FHIT: variants seen among roughly 807,000 people sequenced by gnomAD.
The protein encoded by FHIT is bis(5'-adenosyl)-triphosphatase.
A neutral mutation model predicts 17.9 loss-of-function variants in FHIT; 19 were observed. The observed-to-expected ratio is 1.06, with a 90% CI of 0.74 to 1.56. FHIT has a LOEUF of 1.56. Among genes scored for constraint, FHIT ranks in the 40% most tolerant of loss-of-function variants. The pLI is 0.00. For missense variants in FHIT, 248 were observed against 189.2 expected (o/e 1.31, Z -1.82); for synonymous variants, 81 against 69.7 (o/e 1.16, Z -0.81).
intron 1 of FHIT, among the ~76,000 whole-genome samples, chr3:61,203,125 A>G (rs2039083289): frequency 6.7e-6 from 1 of 149,936 alleles, no homozygotes; most frequent in Non-Finnish European, 1.5e-5. Flanking sequence ...GCTTGCAGTG[A>G]GCAGAGATCG....
chr3:60,402,692 T>TA (rs1362180855), intron 5 of FHIT, among the ~76,000 whole-genome samples: 1 of 152,132 alleles, frequency 6.6e-6, no homozygotes, highest in Admixed American at 6.6e-5. Context: ...CCATCTGTAA[T>TA]AAAGTAGCAC....
chr3:60,853,364 C>T (rs1270899410), intron 3 of FHIT, among the ~76,000 whole-genome samples: 6 of 152,012 alleles, frequency 3.9e-5, no homozygotes, highest in Non-Finnish European at 8.8e-5. Flanking sequence ...TTTTCAAAAT[C>T]GCTGTTTGGA....
At chr3:59,988,291 T>A in intron 7 of FHIT, among the ~76,000 whole-genome samples, 1 of 152,116 alleles carries the variant, frequency 6.6e-6, no homozygotes, top group Non-Finnish European at 1.5e-5. Context: ...GGATTAAAAA[T>A]TTAGGAAGCT....
At chr3:60,180,669 T>C (rs1701888960) in intron 5 of FHIT, among the ~76,000 whole-genome samples, 1 of 152,218 alleles carries the variant, frequency 6.6e-6, no homozygotes, top group African/African-American at 2.4e-5. Flanking sequence ...GCATATGTTG[T>C]AAAAACGTAT....
intron 5 of FHIT, among the ~76,000 whole-genome samples, chr3:60,211,914 A>G (rs1318993331): frequency 1.3e-5 from 2 of 152,146 alleles, no homozygotes; most frequent in African/African-American, 4.8e-5. Flanking sequence ...TGAGGCCAAT[A>G]TATACATATT....
At chr3:60,250,547 G>A (rs376316845) in intron 5 of FHIT, among the ~76,000 whole-genome samples, 18 of 152,206 alleles carry the variant, frequency 1.2e-4, no homozygotes, top group African/African-American at 3.1e-4. Flanking sequence ...CTCACCAGCG[G>A]GTATTGATAT....
At chr3:60,280,252 C>G (rs1707368294) in intron 5 of FHIT, among the ~76,000 whole-genome samples, 1 of 151,968 alleles carries the variant, frequency 6.6e-6, no homozygotes, top group African/African-American at 2.4e-5. Flanking sequence ...ACAAAAAAAC[C>G]TACAGCTAAC....
intron 5 of FHIT, among the ~76,000 whole-genome samples, chr3:60,147,909 T>C (rs565267259): frequency 1.3e-5 from 2 of 152,248 alleles, no homozygotes; most frequent in South Asian, 4.2e-4. Flanking sequence ...CAGGCCACTA[T>C]TAGGACAGTG....
intron 5 of FHIT, among the ~76,000 whole-genome samples, chr3:60,059,067 C>A (rs1702199822): frequency 6.6e-6 from 1 of 152,032 alleles, no homozygotes; most frequent in Non-Finnish European, 1.5e-5. Flanking sequence ...AGGAGAGGGC[C>A]CTCCCAACAC....
intron 5 of FHIT, among the ~76,000 whole-genome samples, chr3:60,364,679 T>C (rs1318504994): frequency 2.0e-5 from 3 of 152,228 alleles, no homozygotes; most frequent in African/African-American, 4.8e-5. Context: ...AGATAACTGA[T>C]AAACATTATT....
At chr3:60,701,688 G>T (rs1281989321) in intron 4 of FHIT, among the ~76,000 whole-genome samples, 1 of 152,200 alleles carries the variant, frequency 6.6e-6, no homozygotes, top group Non-Finnish European at 1.5e-5. Flanking sequence ...ATGTTTCCCT[G>T]TGGAGCGATT....
At chr3:60,815,008 T>C (rs144379385) in intron 4 of FHIT, among the ~76,000 whole-genome samples, 1 of 152,168 alleles carries the variant, frequency 6.6e-6, no homozygotes, top group African/African-American at 2.4e-5. Context: ...CAATGAGCAT[T>C]TTTTCATGTT....
At chr3:60,701,565 G>A (rs1270624197) in intron 4 of FHIT, among the ~76,000 whole-genome samples, 1 of 152,068 alleles carries the variant, frequency 6.6e-6, no homozygotes, top group Non-Finnish European at 1.5e-5. Flanking sequence ...GTTCCTGGGT[G>A]GGGGCCACAA....
intron 4 of FHIT, among the ~76,000 whole-genome samples, chr3:60,641,594 A>C (rs1191481590): frequency 8.5e-5 from 13 of 152,158 alleles, no homozygotes; most frequent in African/African-American, 2.9e-4. Context: ...ATATGATGAC[A>C]AACAGTGTCC....
chr3:59,947,398 C>A (rs1706865878), intron 7 of FHIT, among the ~76,000 whole-genome samples: 1 of 151,986 alleles, frequency 6.6e-6, no homozygotes, highest in African/African-American at 2.4e-5. Flanking sequence ...TTTGAATCTT[C>A]TTTTTTCCTT....
At chr3:60,732,067 A>C in intron 4 of FHIT, 1 of 563,818 alleles carries the variant, frequency 1.8e-6, no homozygotes, top group Non-Finnish European at 3.2e-6. Flanking sequence ...GGATACTGCG[A>C]GCAAATGGGG....
chr3:60,249,785 C>A (rs931933279), intron 5 of FHIT, among the ~76,000 whole-genome samples: 2 of 151,620 alleles, frequency 1.3e-5, no homozygotes, highest in Non-Finnish European at 2.9e-5. Context: ...CTAATAAAGA[C>A]ATACCTAAGA....
chr3:60,494,181 A>G (rs1576756088), intron 5 of FHIT, among the ~76,000 whole-genome samples: 1 of 151,928 alleles, frequency 6.6e-6, no homozygotes, highest in Non-Finnish European at 1.5e-5. Flanking sequence ...CCAAAAGAAA[A>G]CTCTGTGGCC....
chr3:60,422,865 T>C (rs778859224), intron 5 of FHIT, among the ~76,000 whole-genome samples: 2 of 152,130 alleles, frequency 1.3e-5, no homozygotes, highest in African/African-American at 2.4e-5. Flanking sequence ...AATGGTTCTA[T>C]GCCAGGGCTC....
Sources: allele counts gnomAD v4.1 joint callset (sites outside exome capture counted in the v4.1 genomes callset), GRCh38; gene constraint gnomAD v4.1.1; transcripts MANE v1.5; gene names NCBI Gene and HGNC (gene_info 2026-07-23, HGNC 2026-07-21).